Variants in DYNC1I2 observed in about 807,000 individuals in gnomAD.
DYNC1I2 encodes the protein cytoplasmic dynein 1 intermediate chain 2.
A neutral mutation model predicts 88.6 loss-of-function variants in DYNC1I2; 53 were observed. The ratio of observed to expected loss-of-function variants is 0.60; its 90% CI spans 0.48 to 0.75. The LOEUF (loss-of-function observed/expected upper bound fraction) is 0.75, where lower values mean the gene tolerates loss of function less well. DYNC1I2 is among the 30% of genes least tolerant of loss of function. The pLI is 0.00. For synonymous variants in DYNC1I2, 198 were observed against 254.6 expected (o/e 0.78, Z 2.12); for missense variants, 458 against 766.6 (o/e 0.60, Z 4.75).
chr2:171,726,215 A>G lies in DYNC1I2; in HGVS notation c.792A>G (p.Lys264=), dbSNP rs373010290. 4.4e-5 allele frequency: 71 copies of G among 1,611,858 alleles called. No individual in the cohort carries two copies. The African/African-American group carries it at 7.5e-4, about 17-fold the overall frequency. ...GTAGAGAGATTCAAGCAGGTGCTAAACTGTCATTAAATCGACAATTTTTTG... is the reference window on the plus strand; with the variant it reads ...GTAGAGAGATTCAAGCAGGTGCTAAGCTGTCATTAAATCGACAATTTTTTG... The part of the protein sequence containing the change: ...DKEGEIQAGA[K]LSLNRQFFDE... The change falls in exon 10 of 18, where the codon AAA becomes AAG. Residue 264 remains lysine (K), a synonymous_variant. Transcript: ENST00000397119.
At chr2:171,706,597 A>G (rs190193485) in intron 4 of DYNC1I2, 33 bp downstream of exon 4, 1 of 1,597,138 alleles carries the variant, frequency 6.3e-7, no homozygotes, top group South Asian at 1.1e-5. Flanking sequence ...TGCCTTGTTT[A>G]TTTGCATGCA....
Position 171,737,129 on chromosome 2 carries a change from C to G in DYNC1I2, c.1537-6920C>G, listed in dbSNP as rs1303379305. Among the ~76,000 whole-genome samples the G allele has an allele frequency of 5.9e-5, 9 of 152,348 alleles. No homozygotes were observed. The East Asian group carries it at 1.7e-3, about 29-fold the overall frequency. The stretch of plus-strand genomic sequence containing the variant: ...CTGTTTCTTGTCTCTCTCCCGGCTT[C>G]TGATGGTTGCCAGCAATCCTTGCTG... On this transcript the variant is annotated intron_variant, in intron 15 of 17. Transcript: ENST00000397119.
chr2:171,713,016 CCT>C (rs1687230363), intron 6 of DYNC1I2, among the ~76,000 whole-genome samples, 190 bp downstream of exon 6: 1 of 151,910 alleles, frequency 6.6e-6, no homozygotes, highest in African/African-American at 2.4e-5. Context: ...TTCTATGTAC[CCT>C]GAGTCCATTT....
intron 15 of DYNC1I2, among the ~76,000 whole-genome samples, chr2:171,735,926 G>A (rs1688973055): frequency 6.6e-6 from 1 of 152,186 alleles, no homozygotes; most frequent in Non-Finnish European, 1.5e-5. Context: ...ACCATAAAAT[G>A]ACGAAGTTAA....
chr2:171,694,462 A>T (rs1239780391), intron 3 of DYNC1I2, among the ~76,000 whole-genome samples: 1 of 152,012 alleles, frequency 6.6e-6, no homozygotes, highest in Non-Finnish European at 1.5e-5. Flanking sequence ...GTTCAAGACT[A>T]GCCTGACCAA....
chr2:171,707,542 G>A (rs1234120495), intron 5 of DYNC1I2, among the ~76,000 whole-genome samples, 165 bp downstream of exon 5: 2 of 151,838 alleles, frequency 1.3e-5, no homozygotes, highest in African/African-American at 2.4e-5. Flanking sequence ...GAAAAAAAAG[G>A]TTTCTTTGTT....
chr2:171,741,968 G>C (rs1689461675), intron 15 of DYNC1I2, among the ~76,000 whole-genome samples: 1 of 151,536 alleles, frequency 6.6e-6, no homozygotes, highest in Non-Finnish European at 1.5e-5. Flanking sequence ...TGTAATCCCA[G>C]CTACTTGGGA....
chr2:171,696,783 A>C (rs1247865541), intron 3 of DYNC1I2, among the ~76,000 whole-genome samples: 2 of 151,876 alleles, frequency 1.3e-5, no homozygotes, highest in African/African-American at 4.8e-5. Flanking sequence ...CTATGAATCT[A>C]TTTGTTTGGT....
At chr2:171,731,993 A>G (rs1688646617) in intron 15 of DYNC1I2, among the ~76,000 whole-genome samples, 2 of 152,292 alleles carry the variant, frequency 1.3e-5, no homozygotes, top group South Asian at 4.1e-4. Flanking sequence ...TTCACTTTGC[A>G]AAACATTTAT....
At chr2:171,744,955 G>C (rs978829788) in intron 16 of DYNC1I2, among the ~76,000 whole-genome samples, 14 of 152,054 alleles carry the variant, frequency 9.2e-5, no homozygotes, top group Middle Eastern at 3.2e-3. Context: ...TACCAATTCT[G>C]TTTTCTTAAT....
chr2:171,695,393 C>T (rs1685693020), intron 3 of DYNC1I2, among the ~76,000 whole-genome samples: 1 of 152,080 alleles, frequency 6.6e-6, no homozygotes, highest in South Asian at 2.1e-4. Context: ...GCCACCATGC[C>T]CGGCCCACTT....
intron 1 of DYNC1I2, chr2:171,688,578 A>ATT (rs879662249): frequency 5.3e-5 from 8 of 152,330 alleles, no homozygotes; most frequent in African/African-American, 1.7e-4. Context: ...GAAAGAGTGG[A>ATT]ATAAGAAACA....
chr2:171,715,255 T>TTAA, intron 6 of DYNC1I2, 73 bp from the exon 7 acceptor site: 1 of 956,696 alleles, frequency 1.0e-6, no homozygotes. Context: ...AAATGACTGT[T>TTAA]TAATTCTTAA....
chr2:171,698,758 A>C (rs1044755405), intron 3 of DYNC1I2, among the ~76,000 whole-genome samples: 1 of 152,076 alleles, frequency 6.6e-6, no homozygotes, highest in African/African-American at 2.4e-5. Context: ...GGTCCTAGCT[A>C]CTTGGGAGGC....
Position 171,721,510 on chromosome 2 carries a change from A to AT in DYNC1I2, c.512-4102dup, listed in dbSNP as rs200317201. On this transcript the variant is annotated intron_variant, in intron 7 of 17. Coordinates refer to ENST00000397119, the MANE Select transcript of DYNC1I2 (RefSeq NM_001378.3). Reference sequence around the variant, plus strand: ...ATGAAGCTGACCCAGAAAAGAAGGGATTTTTTGAAAATATTAAAGGAAAAT... The same window carrying AT: ...ATGAAGCTGACCCAGAAAAGAAGGGATTTTTTTGAAAATATTAAAGGAAAAT... Among the ~76,000 whole-genome samples the AT allele has an allele frequency of 7.9e-4, 120 of 152,278 alleles. 2 individuals carry two copies. In the East Asian group the frequency reaches 0.021, roughly 26 times the overall value.
At chr2:171,724,878 G>T (rs1056873385) in intron 7 of DYNC1I2, among the ~76,000 whole-genome samples, 17 of 152,188 alleles carry the variant, frequency 1.1e-4, no homozygotes, top group African/African-American at 4.1e-4. Flanking sequence ...GGTTTGGGAT[G>T]TAAGAGATTT....
intron 17 of DYNC1I2, among the ~76,000 whole-genome samples, chr2:171,746,747 AT>A (rs1054501234): frequency 6.6e-6 from 1 of 152,192 alleles, no homozygotes; most frequent in Non-Finnish European, 1.5e-5. Context: ...ATTTTAATTA[AT>A]TTTAATATAC....
At chr2:171,747,341 A>G (rs1252353037) in intron 17 of DYNC1I2, among the ~76,000 whole-genome samples, 2 of 151,812 alleles carry the variant, frequency 1.3e-5, no homozygotes, top group African/African-American at 4.8e-5. Context: ...TAAGGTATCA[A>G]GAAAGATTAC....
chr2:171,725,574 T>G, intron 7 of DYNC1I2, 44 bp from the exon 8 acceptor site: 3 of 1,206,764 alleles, frequency 2.5e-6, no homozygotes, highest in Non-Finnish European at 3.5e-6. Flanking sequence ...TATTATATCA[T>G]TCTGTTTTTT....
Sources: allele counts gnomAD v4.1 joint callset (sites outside exome capture counted in the v4.1 genomes callset), GRCh38; gene constraint gnomAD v4.1.1; transcripts MANE v1.5; gene names NCBI Gene and HGNC (gene_info 2026-07-23, HGNC 2026-07-21).